The following CADPS2 variants were observed in gnomAD, a reference collection of about 807,000 sequenced individuals.
CADPS2 encodes the protein calcium-dependent secretion activator 2.
In CADPS2, 93 loss-of-function variants were observed where a neutral mutation model predicts 172.5. The observed-to-expected ratio is 0.54, with a 90% CI of 0.46 to 0.64. The LOEUF (loss-of-function observed/expected upper bound fraction) is 0.64, where lower values mean the gene tolerates loss of function less well. Among genes scored for constraint, CADPS2 ranks in the 30% least tolerant of loss-of-function variants. The pLI is 0.00. For synonymous variants in CADPS2, 546 were observed against 555.2 expected (o/e 0.98, Z 0.23); for missense variants, 1,420 against 1,565.9 (o/e 0.91, Z 1.57).
intron 3 of CADPS2, among the ~76,000 whole-genome samples, chr7:122,638,318 G>T (rs1055439673): frequency 6.6e-6 from 1 of 152,148 alleles, no homozygotes; most frequent in Non-Finnish European, 1.5e-5. Context: ...GAGGGAGGGC[G>T]TCCTCCCCAC....
chr7:122,871,335 G>C (rs1033010778), intron 1 of CADPS2, among the ~76,000 whole-genome samples: 1 of 151,712 alleles, frequency 6.6e-6, no homozygotes, highest in East Asian at 1.9e-4. Flanking sequence ...CTATTTGCAG[G>C]ATACTTCATG....
intron 7 of CADPS2, among the ~76,000 whole-genome samples, chr7:122,574,729 C>T (rs1458767217): frequency 6.6e-6 from 1 of 151,874 alleles, no homozygotes; most frequent in African/African-American, 2.4e-5. Context: ...CAAATGCATA[C>T]ACACAACTTT....
intron 2 of CADPS2, among the ~76,000 whole-genome samples, chr7:122,707,641 T>C (rs998933106): frequency 2.6e-5 from 4 of 151,802 alleles, no homozygotes; most frequent in Non-Finnish European, 5.9e-5. Context: ...CTATGTATGT[T>C]TTTTTTGCAA....
At chr7:122,375,097 T>C (rs1359249852) in intron 25 of CADPS2, among the ~76,000 whole-genome samples, 2 of 152,118 alleles carry the variant, frequency 1.3e-5, no homozygotes, top group East Asian at 3.8e-4. Context: ...CAATAATTAT[T>C]ATAGTCAAAA....
At chr7:122,586,330 C>A (rs1447996571) in intron 6 of CADPS2, among the ~76,000 whole-genome samples, 1 of 151,856 alleles carries the variant, frequency 6.6e-6, no homozygotes, top group African/African-American at 2.4e-5. Flanking sequence ...CACTCCTGCC[C>A]TGCCTTCTCA....
intron 8 of CADPS2, among the ~76,000 whole-genome samples, chr7:122,534,365 T>C (rs2062039971): frequency 6.6e-6 from 1 of 152,088 alleles, no homozygotes; most frequent in South Asian, 2.1e-4. Flanking sequence ...CCTCCCAACA[T>C]AGTCTCTAAG....
intron 2 of CADPS2, among the ~76,000 whole-genome samples, chr7:122,722,932 C>G (rs775995701): frequency 1.1e-3 from 174 of 151,834 alleles, no homozygotes; most frequent in African/African-American, 3.6e-3. Context: ...AATGGGTAAA[C>G]GATTCCCTAT....
chr7:122,383,476 A>C (rs2043259122), intron 24 of CADPS2, among the ~76,000 whole-genome samples: 1 of 152,152 alleles, frequency 6.6e-6, no homozygotes. Flanking sequence ...AATTCTTCGA[A>C]TACTTCAAGT....
intron 1 of CADPS2, among the ~76,000 whole-genome samples, chr7:122,880,050 C>G (rs1266028191): frequency 6.6e-6 from 1 of 152,130 alleles, no homozygotes; most frequent in Non-Finnish European, 1.5e-5. Context: ...CTAAAGTTTA[C>G]TTTTTGGAAA....
chr7:122,723,529 C>T (rs1331688776), intron 2 of CADPS2, among the ~76,000 whole-genome samples: 3 of 152,140 alleles, frequency 2.0e-5, no homozygotes, highest in African/African-American at 7.2e-5. Flanking sequence ...CAGGAAACAA[C>T]AGGTGCTGGA....
rs373200204 is a variant in CADPS2 at position 122,758,317 on chromosome 7, C to A, written c.340-21249G>T. 2.6e-5 allele frequency among the ~76,000 whole-genome samples: 4 copies of A among 152,064 alleles called. No homozygotes were observed. The East Asian group carries it at 7.7e-4, about 29-fold the overall frequency. On this transcript the variant is annotated intron_variant, in intron 1 of 29. Transcript: ENST00000449022. ...TCAGCAGAACAAAGAAAAGTTCAGGCTGAAAATAAAGCAAACCTTTTAGAA... is the reference window on the plus strand; with the variant it reads ...TCAGCAGAACAAAGAAAAGTTCAGGATGAAAATAAAGCAAACCTTTTAGAA...
intron 2 of CADPS2, among the ~76,000 whole-genome samples, chr7:122,695,524 A>G (rs1381240049): frequency 6.6e-6 from 1 of 152,218 alleles, no homozygotes; most frequent in South Asian, 2.1e-4. Context: ...CTAAACACTA[A>G]GATTAAAACT....
At chr7:122,637,326 T>C (rs1361603770) in intron 3 of CADPS2, among the ~76,000 whole-genome samples, 1 of 151,706 alleles carries the variant, frequency 6.6e-6, no homozygotes, top group African/African-American at 2.4e-5. Flanking sequence ...CCCAAGTAGT[T>C]GGGACTACAA....
chr7:122,479,397 C>G (rs1220538606), intron 12 of CADPS2, among the ~76,000 whole-genome samples: 1 of 152,300 alleles, frequency 6.6e-6, no homozygotes, highest in East Asian at 1.9e-4. Flanking sequence ...GTAGGTGCCA[C>G]TTCTCTTTTT....
intron 6 of CADPS2, among the ~76,000 whole-genome samples, chr7:122,613,382 G>C (rs2074517319): frequency 1.3e-5 from 2 of 152,060 alleles, no homozygotes; most frequent in Admixed American, 1.3e-4. Context: ...TACTGGCATT[G>C]CACGTCAGGC....
intron 2 of CADPS2, among the ~76,000 whole-genome samples, chr7:122,720,674 TGGG>T (rs2090284428): frequency 6.6e-6 from 1 of 151,796 alleles, no homozygotes; most frequent in South Asian, 2.1e-4. Context: ...TGCGAAACTT[TGGG>T]ATCTTTTAAT....
intron 27 of CADPS2, among the ~76,000 whole-genome samples, chr7:122,357,903 C>T (rs1248881424): frequency 6.6e-6 from 1 of 152,030 alleles, no homozygotes; most frequent in Non-Finnish European, 1.5e-5. Context: ...TGGTTGATTC[C>T]AGTTTGGGTG....
At chr7:122,564,724 C>T (rs1307532904) in intron 7 of CADPS2, among the ~76,000 whole-genome samples, 1 of 152,148 alleles carries the variant, frequency 6.6e-6, no homozygotes, top group South Asian at 2.1e-4. Flanking sequence ...CTACGTTTAT[C>T]ACAGCGTTAG....
chr7:122,599,130 GACA>G (rs1226256488), intron 6 of CADPS2, among the ~76,000 whole-genome samples: 6 of 152,116 alleles, frequency 3.9e-5, no homozygotes, highest in African/African-American at 1.4e-4. Context: ...TCCTAGTAGG[GACA>G]ACATTTTTTA....
Sources: gnomAD v4.1 joint callset for allele counts (sites outside exome capture counted in the v4.1 genomes callset) on GRCh38, gnomAD v4.1.1 for gene constraint, MANE v1.5 for transcripts, NCBI Gene and HGNC (gene_info 2026-07-23, HGNC 2026-07-21) for gene names.